Variants in ARHGAP20 observed in about 807,000 individuals in gnomAD.
The protein encoded by ARHGAP20 is rho GTPase-activating protein 20.
In ARHGAP20, 34 loss-of-function variants were observed where a neutral mutation model predicts 73.7. The ratio of observed to expected loss-of-function variants is 0.46; its 90% CI spans 0.35 to 0.61. The LOEUF is 0.61. ARHGAP20 is among the 20% of genes least tolerant of loss of function. The pLI is 0.00. For missense variants in ARHGAP20, 1,314 were observed against 1,420.9 expected, an observed-to-expected ratio of 0.92 and a Z score of 1.21; for synonymous variants, 523 against 518.2, an observed-to-expected ratio of 1.01 and a Z score of -0.13.
intron 2 of ARHGAP20, among the ~76,000 whole-genome samples, chr11:110,641,913 G>C (rs1449706): frequency 6.6e-6 from 1 of 151,534 alleles, no homozygotes; most frequent in Non-Finnish European, 1.5e-5. Context: ...AAGTTACTCA[G>C]AGAAATTTAT....
intron 1 of ARHGAP20, among the ~76,000 whole-genome samples, chr11:110,691,756 C>G (rs962319882): frequency 2.0e-5 from 3 of 152,194 alleles, no homozygotes; most frequent in Admixed American, 2.0e-4. Flanking sequence ...CACCACTGCT[C>G]TGGCCTCGGT....
At chr11:110,583,219 T>C (rs2134786541) in intron 13 of ARHGAP20, among the ~76,000 whole-genome samples, 1 of 152,326 alleles carries the variant, frequency 6.6e-6, no homozygotes, top group South Asian at 2.1e-4. Context: ...ACTGTACATC[T>C]GGCAAGGGGT....
intron 2 of ARHGAP20, among the ~76,000 whole-genome samples, chr11:110,648,149 T>C (rs1170269420): frequency 8.1e-6 from 1 of 123,500 alleles, no homozygotes; most frequent in Non-Finnish European, 1.7e-5. Context: ...GTCAGTGATA[T>C]ATATAATATA....
chr11:110,624,011 A>T, intron 4 of ARHGAP20, 151 bp downstream of exon 4: 1 of 1,090,692 alleles, frequency 9.2e-7, no homozygotes, highest in Non-Finnish European at 1.3e-6. Context: ...ATGTGTCAAC[A>T]GATGAGTTAT....
chr11:110,711,779 G>A (rs912553408), intron 1 of ARHGAP20: 1 of 1,354,176 alleles, frequency 7.4e-7, no homozygotes, highest in African/African-American at 1.5e-5. Context: ...GGCACGGCGA[G>A]GGGTCGGGGA....
intron 4 of ARHGAP20, among the ~76,000 whole-genome samples, chr11:110,622,915 C>T (rs1262865316): frequency 6.6e-6 from 1 of 152,098 alleles, no homozygotes; most frequent in Admixed American, 6.6e-5. Context: ...GGTAAAACTT[C>T]TTTCCACATT....
intron 10 of ARHGAP20, 139 bp downstream of exon 10, chr11:110,591,838 T>C (rs1947835660): frequency 2.3e-6 from 2 of 878,760 alleles, no homozygotes; most frequent in East Asian, 2.5e-5. Flanking sequence ...ATTTTGTTAT[T>C]TGGAGGAATA....
chr11:110,590,903 C>T lies in ARHGAP20; in HGVS notation c.1144-94G>A, dbSNP rs552100699. 1.4e-4 allele frequency: 181 copies of T among 1,275,676 alleles called. 1 individual carries two copies. The highest frequency in any genetic ancestry group is 3.8e-4 in the Middle Eastern group (2 of 5,196). The allele number at this position is 1,275,676 out of a possible 1,614,324, so 79.0% of individuals were successfully genotyped here. Reference sequence around the variant, plus strand: ...TCTTTGGATGCCAGAGGCTAGGGTGCGCTAGGGTAAAAGCACTGAAGGATT... The same window carrying T: ...TCTTTGGATGCCAGAGGCTAGGGTGTGCTAGGGTAAAAGCACTGAAGGATT... On this transcript the variant is annotated intron_variant, in intron 10 of 14. Coordinates refer to ENST00000683387, the MANE Select transcript of ARHGAP20 (RefSeq NM_001384657.1).
intron 11 of ARHGAP20, among the ~76,000 whole-genome samples, chr11:110,587,954 TTTAGAAG>T (rs1298777758): frequency 1.3e-5 from 2 of 152,230 alleles, no homozygotes; most frequent in African/African-American, 4.8e-5. Flanking sequence ...CTGTACCCAC[TTTAGAAG>T]TTAGATTTAG....
Position 110,704,987 on chromosome 11 carries a change from C to T in ARHGAP20, c.105+7140G>A, listed in dbSNP as rs543556856. On this transcript the variant is annotated intron_variant, in intron 1 of 14. Coordinates refer to ENST00000683387, the MANE Select transcript of ARHGAP20 (RefSeq NM_001384657.1). ...TGAGTATACAAGTGTTATGTACACA[C>T]ATATAACTTTGATATTATATACCTA... Among the ~76,000 whole-genome samples, 9 of 152,214 alleles carry T rather than the reference C, an allele frequency of 5.9e-5. No homozygotes were observed. In the East Asian group the frequency reaches 1.5e-3, roughly 26 times the overall value.
chr11:110,649,814 A>G (rs918089566), intron 2 of ARHGAP20, among the ~76,000 whole-genome samples: 3 of 152,280 alleles, frequency 2.0e-5, no homozygotes, highest in Admixed American at 1.3e-4. Context: ...TTTTGGACAG[A>G]AGCAGCAGTT....
chr11:110,580,956 C>T lies in ARHGAP20; in HGVS notation c.1990G>A (p.Val664Met), dbSNP rs1355397776. The part of the protein sequence containing the change: ...PLESKPVNIL[V>M]YTKIPLRDHA... The stretch of plus-strand genomic sequence containing the variant: ...TCCCGCAGTGGGATCTTTGTGTACA[C>T]TAAAATGTTCACCGGCTTGGATTCA... Residue 664 changes from valine to methionine, a missense_variant, in exon 15 of 15, where the codon GTG becomes ATG. By Grantham distance (21) the Val-to-Met change is conservative. Around this residue, in one of 3 missense-constraint regions of ARHGAP20, gnomAD observed 641 missense variants for 636.9 expected, o/e 1.01. Coordinates refer to ENST00000683387, the MANE Select transcript of ARHGAP20 (RefSeq NM_001384657.1). 3.1e-6 allele frequency: 5 copies of T among 1,614,084 alleles called. No individual in the cohort carries two copies. In the Admixed American group the frequency reaches 8.3e-5, roughly 27 times the overall value.
intron 2 of ARHGAP20, among the ~76,000 whole-genome samples, chr11:110,640,652 C>T (rs1949058921): frequency 6.6e-6 from 1 of 150,706 alleles, no homozygotes; most frequent in Non-Finnish European, 1.5e-5. Flanking sequence ...CATTCTATCA[C>T]CTTGATAAAA....
intron 1 of ARHGAP20, chr11:110,711,578 G>T: frequency 6.8e-7 from 1 of 1,466,018 alleles, no homozygotes; most frequent in South Asian, 1.3e-5. Context: ...TCTGCCCCCC[G>T]AAAACTGCTA....
intron 9 of ARHGAP20, among the ~76,000 whole-genome samples, chr11:110,593,261 C>T (rs1947873499): frequency 6.6e-6 from 1 of 152,078 alleles, no homozygotes; most frequent in African/African-American, 2.4e-5. Context: ...TGGTTTTATA[C>T]CATAGTGCCG....
intron 2 of ARHGAP20, among the ~76,000 whole-genome samples, chr11:110,640,757 T>C (rs913270199): frequency 2.2e-5 from 2 of 90,488 alleles, no homozygotes; most frequent in African/African-American, 8.8e-5. Context: ...AAATAATAAA[T>C]CAGGGGGAGG....
intron 2 of ARHGAP20, among the ~76,000 whole-genome samples, chr11:110,673,701 G>T (rs1381514942): frequency 5.3e-5 from 8 of 152,162 alleles, no homozygotes; most frequent in Admixed American, 1.3e-4. Context: ...CATTTAAAGT[G>T]ATGATCTCTG....
At chr11:110,707,987 CAA>C (rs1950580106) in intron 1 of ARHGAP20, among the ~76,000 whole-genome samples, 1 of 150,350 alleles carries the variant, frequency 6.7e-6, no homozygotes, top group Non-Finnish European at 1.5e-5. Flanking sequence ...AAAAAAATGA[CAA>C]ATTGTATTTC....
In ARHGAP20 at chr11:110,590,886, T is replaced by C. The variant is rs151107937; in HGVS notation, c.1144-77A>G. ...GGAATGTACACTTGCCCTCTTTGGA[T>C]GCCAGAGGCTAGGGTGCGCTAGGGT... On this transcript the variant is annotated intron_variant, in intron 10 of 14. Coordinates refer to ENST00000683387, the MANE Select transcript of ARHGAP20 (RefSeq NM_001384657.1). The C allele has an allele frequency of 1.1e-3, 1,524 of 1,431,664 alleles. 13 individuals are homozygous for C. In the African/African-American group the frequency reaches 0.019, roughly 17 times the overall value. 88.7% of individuals were successfully genotyped at this position (1,431,664 alleles called of 1,614,324 possible).
Sources: gnomAD v4.1 joint callset for allele counts (sites outside exome capture counted in the v4.1 genomes callset) on GRCh38, gnomAD v4.1.1 for gene constraint, gnomAD v4.1.1 regional missense constraint, MANE v1.5 for transcripts, NCBI Gene and HGNC (gene_info 2026-07-23, HGNC 2026-07-21) for gene names.